Variants in PRR16 observed in about 807,000 individuals in gnomAD.
PRR16 encodes proline rich 16, also known as protein Largen.
A neutral mutation model predicts 18.2 loss-of-function variants in PRR16; 6 were observed. The ratio of observed to expected loss-of-function variants is 0.33; its 90% CI spans 0.18 to 0.65. PRR16 has a LOEUF of 0.65. Ranked by LOEUF, PRR16 falls within the 30% of genes least tolerant of loss-of-function variation. The pLI is 0.74. For synonymous variants in PRR16, 151 were observed against 147.8 expected (o/e 1.02, Z -0.16); for missense variants, 412 against 376.6 (o/e 1.09, Z -0.78).
At chr5:120,504,077 G>C (rs1320908843) in intron 1 of PRR16, among the ~76,000 whole-genome samples, 1 of 151,236 alleles carries the variant, frequency 6.6e-6, no homozygotes, top group Non-Finnish European at 1.5e-5. Context: ...ACAATGTGCA[G>C]GTTAGTTACA....
At chr5:120,706,020 A>G in the PRR16 span, among the ~76,000 whole-genome samples, 1 of 152,234 alleles carries the variant, frequency 6.6e-6, no homozygotes, top group Non-Finnish European at 1.5e-5. Context: ...CAGTCATATA[A>G]CAAAGTTCGG....
chr5:120,656,265 G>C (rs904009052), intron 1 of PRR16, among the ~76,000 whole-genome samples: 1 of 151,850 alleles, frequency 6.6e-6, no homozygotes, highest in Non-Finnish European at 1.5e-5. Flanking sequence ...AGTCAACTGA[G>C]TAGTTAGCTT....
chr5:120,577,518 C>T (rs923875682), intron 1 of PRR16, among the ~76,000 whole-genome samples: 1 of 151,900 alleles, frequency 6.6e-6, no homozygotes, highest in African/African-American at 2.4e-5. Context: ...ACATGGACAC[C>T]TTCCTGATAT....
chr5:120,571,040 G>T (rs989140217), intron 1 of PRR16, among the ~76,000 whole-genome samples: 1 of 152,118 alleles, frequency 6.6e-6, no homozygotes, highest in African/African-American at 2.4e-5. Context: ...ATATACAGTG[G>T]TCATTGGAGT....
chr5:120,774,856 A>G, the PRR16 span, among the ~76,000 whole-genome samples: 1 of 152,204 alleles, frequency 6.6e-6, no homozygotes, highest in South Asian at 2.1e-4. Context: ...CTGAATATTT[A>G]TAAGAGAGCA....
the PRR16 span, among the ~76,000 whole-genome samples, chr5:120,788,835 A>G: frequency 6.6e-6 from 1 of 152,182 alleles, no homozygotes; most frequent in African/African-American, 2.4e-5. Flanking sequence ...GAGATAGCAG[A>G]GTTACTGATT....
chr5:120,478,209 C>G (rs988294503), intron 1 of PRR16, among the ~76,000 whole-genome samples: 6 of 152,120 alleles, frequency 3.9e-5, no homozygotes, highest in Non-Finnish European at 8.8e-5. Flanking sequence ...AGGATCAAAG[C>G]TATTACCTTT....
chr5:120,643,884 A>G (rs549066073), intron 1 of PRR16, among the ~76,000 whole-genome samples: 1 of 152,208 alleles, frequency 6.6e-6, no homozygotes, highest in South Asian at 2.1e-4. Context: ...GGGTGTCTGT[A>G]GTCCCAGCTA....
chr5:120,530,285 T>TATATATATATATATATATA (rs375750842), intron 1 of PRR16, among the ~76,000 whole-genome samples: 24 of 84,398 alleles, frequency 2.8e-4, no homozygotes, highest in African/African-American at 7.2e-4. Flanking sequence ...ATATATATAT[T>TATATATATATATATATATA]TATTTATTTA....
At chr5:120,471,512 A>T (rs1047747567) in intron 1 of PRR16, among the ~76,000 whole-genome samples, 3 of 152,102 alleles carry the variant, frequency 2.0e-5, no homozygotes, top group Admixed American at 2.0e-4. Context: ...ATCTTGTTGA[A>T]TTCTTTACTA....
chr5:120,735,352 C>T, the PRR16 span, among the ~76,000 whole-genome samples: 1 of 152,098 alleles, frequency 6.6e-6, no homozygotes. Flanking sequence ...CAAGATTCTG[C>T]TTTCAATACT....
the PRR16 span, among the ~76,000 whole-genome samples, chr5:120,746,032 T>G: frequency 6.6e-6 from 1 of 151,976 alleles, no homozygotes; most frequent in Non-Finnish European, 1.5e-5. Context: ...GCATTCATAA[T>G]TTTAGTTTGG....
intron 1 of PRR16, among the ~76,000 whole-genome samples, chr5:120,490,204 G>A (rs1489123569): frequency 6.6e-6 from 1 of 152,096 alleles, no homozygotes; most frequent in Non-Finnish European, 1.5e-5. Context: ...GGCCTGCCTT[G>A]CTAGATTGGG....
At chr5:120,768,359 C>G in the PRR16 span, among the ~76,000 whole-genome samples, 1 of 151,532 alleles carries the variant, frequency 6.6e-6, no homozygotes, top group Non-Finnish European at 1.5e-5. Flanking sequence ...TCATTTTAAT[C>G]CCTCATATTT....
intron 1 of PRR16, among the ~76,000 whole-genome samples, chr5:120,561,969 C>G (rs953020509): frequency 6.6e-6 from 1 of 152,086 alleles, no homozygotes; most frequent in African/African-American, 2.4e-5. Context: ...TGAGAACAGA[C>G]TAATATAATA....
chr5:120,563,006 A>C (rs2112720494), intron 1 of PRR16, among the ~76,000 whole-genome samples: 1 of 152,308 alleles, frequency 6.6e-6, no homozygotes, highest in Non-Finnish European at 1.5e-5. Context: ...TATTGCTATT[A>C]ACATCCCTTT....
At chr5:120,540,397 G>C (rs111310908) in intron 1 of PRR16, among the ~76,000 whole-genome samples, 7 of 152,086 alleles carry the variant, frequency 4.6e-5, no homozygotes, top group African/African-American at 1.7e-4. Context: ...GAGGTTTTTA[G>C]GACACCATCC....
intron 1 of PRR16, among the ~76,000 whole-genome samples, chr5:120,584,084 G>C (rs984626985): frequency 1.5e-4 from 23 of 152,138 alleles, no homozygotes; most frequent in African/African-American, 4.8e-4. Context: ...AAAAGCAAGG[G>C]AGGTCTTCTA....
chr5:120,609,406 TA>T (rs5870900), intron 1 of PRR16, among the ~76,000 whole-genome samples: 62 of 150,840 alleles, frequency 4.1e-4, no homozygotes, highest in Middle Eastern at 3.4e-3. Flanking sequence ...TCCTACTTTC[TA>T]AAAAAAAAAT....
Sources: gnomAD v4.1 joint callset for allele counts (sites outside exome capture counted in the v4.1 genomes callset) on GRCh38, gnomAD v4.1.1 for gene constraint, MANE v1.5 for transcripts, NCBI Gene and HGNC (gene_info 2026-07-23, HGNC 2026-07-21) for gene names.